Variants in EPHA5 observed in about 807,000 individuals in gnomAD.
EPHA5 encodes the protein ephrin type-A receptor 5.
In EPHA5, 60 loss-of-function variants were observed where a neutral mutation model predicts 105.0. The observed-to-expected ratio is 0.57, with a 90% CI of 0.46 to 0.71. The LOEUF is 0.71. Ranked by LOEUF, EPHA5 falls within the 30% of genes least tolerant of loss-of-function variation. The pLI, the probability that EPHA5 is intolerant of heterozygous loss-of-function variation, is 0.00. For missense variants in EPHA5, 1,218 were observed against 1,274.7 expected (o/e 0.96, Z 0.68); for synonymous variants, 513 against 449.1 (o/e 1.14, Z -1.80).
Position 65,449,272 on chromosome 4 carries a change from T to C in EPHA5, c.1403-28707A>G, listed in dbSNP as rs773878305. On this transcript the variant is annotated intron_variant, in intron 5 of 16. Coordinates refer to ENST00000613740, the MANE Select transcript of EPHA5 (RefSeq NM_001281766.3). Reference sequence around the variant, plus strand: ...CAGAATCAGGAAAATGCAAATAAAATAAAATGGGATACATTTAGCACCTTA... The same window carrying C: ...CAGAATCAGGAAAATGCAAATAAAACAAAATGGGATACATTTAGCACCTTA... 9.9e-5 allele frequency among the ~76,000 whole-genome samples: 15 copies of C among 152,150 alleles called. No individual in the cohort carries two copies. In the East Asian group the frequency reaches 2.9e-3, roughly 29 times the overall value.
At chr4:65,564,441 G>T (rs1047760050) in intron 3 of EPHA5, among the ~76,000 whole-genome samples, 1 of 151,616 alleles carries the variant, frequency 6.6e-6, no homozygotes, top group Non-Finnish European at 1.5e-5. Context: ...ATATGGTTTT[G>T]GTTTTTGTGA....
intron 2 of EPHA5, among the ~76,000 whole-genome samples, chr4:65,611,367 G>T (rs1159654487): frequency 1.3e-5 from 2 of 151,918 alleles, no homozygotes; most frequent in African/African-American, 2.4e-5. Context: ...AATTCTGTGG[G>T]GAAGCCTTAT....
intron 7 of EPHA5, among the ~76,000 whole-genome samples, chr4:65,413,600 A>G (rs1270475617): frequency 6.6e-6 from 1 of 152,158 alleles, no homozygotes; most frequent in African/African-American, 2.4e-5. Flanking sequence ...AGACACACAT[A>G]TATACTTCTG....
intron 2 of EPHA5, among the ~76,000 whole-genome samples, chr4:65,615,219 GA>G (rs1305474895): frequency 1.3e-5 from 2 of 151,522 alleles, no homozygotes; most frequent in East Asian, 3.9e-4. Context: ...AGGAGTAAGA[GA>G]AAAAAATGGC....
chr4:65,469,677 C>CA (rs1441137203), intron 5 of EPHA5, among the ~76,000 whole-genome samples: 5 of 151,870 alleles, frequency 3.3e-5, no homozygotes, highest in African/African-American at 1.2e-4. Flanking sequence ...TAATTTAACA[C>CA]AAAAAAATTA....
At chr4:65,392,758 G>T (rs533971176) in intron 8 of EPHA5, among the ~76,000 whole-genome samples, 1 of 152,016 alleles carries the variant, frequency 6.6e-6, no homozygotes, top group Non-Finnish European at 1.5e-5. Flanking sequence ...AGATATTAAA[G>T]TTTTTCATTT....
intron 3 of EPHA5, among the ~76,000 whole-genome samples, chr4:65,584,532 CT>C (rs1423017953): frequency 6.6e-6 from 1 of 151,716 alleles, no homozygotes; most frequent in Non-Finnish European, 1.5e-5. Flanking sequence ...TCAACTTTTC[CT>C]TTATGACATA....
intron 2 of EPHA5, among the ~76,000 whole-genome samples, chr4:65,619,962 A>C (rs1180234007): frequency 6.6e-6 from 1 of 150,910 alleles, no homozygotes; most frequent in East Asian, 1.9e-4. Context: ...TTTCATCCCT[A>C]TGCTCAATTT....
rs1750319128 is a variant in EPHA5 at position 65,669,901 on chromosome 4, C to T, written c.-159G>A. On this transcript the variant is annotated 5_prime_UTR_variant, in exon 1 of 17. Transcript: ENST00000613740. ...CCTCCAAATGTAGGAACCACGGATC[C>T]GGCTGAGACAGCTGAAGTTTGCTTC... is the stretch of plus-strand genomic sequence containing the variant. 2.7e-6 allele frequency: 3 copies of T among 1,117,376 alleles called. No individual in the cohort carries two copies. The highest frequency in any genetic ancestry group is 8.5e-5 in the Admixed American group (2 of 23,592). The allele number at this position is 1,117,376 out of a possible 1,614,324, so 69.2% of individuals were successfully genotyped here.
At chr4:65,468,602 ATTAT>A (rs1312497639) in intron 5 of EPHA5, among the ~76,000 whole-genome samples, 1,323 of 11,002 alleles carry the variant, frequency 0.12, 38 homozygotes, top group African/African-American at 0.17. Context: ...TAATATATAT[ATTAT>A]ATATATTATA....
At chr4:65,346,281 G>A (rs1722219721) in intron 14 of EPHA5, among the ~76,000 whole-genome samples, 1 of 151,696 alleles carries the variant, frequency 6.6e-6, no homozygotes, top group Non-Finnish European at 1.5e-5. Context: ...ATGCAGTATT[G>A]AAAATATTTA....
At chr4:65,609,576 A>G (rs1309505346) in intron 2 of EPHA5, among the ~76,000 whole-genome samples, 2 of 151,410 alleles carry the variant, frequency 1.3e-5, no homozygotes, top group Admixed American at 6.6e-5. Flanking sequence ...TTGAGCATCT[A>G]TTTTCAACAG....
intron 14 of EPHA5, among the ~76,000 whole-genome samples, chr4:65,336,338 T>C (rs947902144): frequency 2.0e-5 from 3 of 152,136 alleles, no homozygotes; most frequent in African/African-American, 7.2e-5. Context: ...AGATAGGCTT[T>C]CTTCACGTAT....
At chr4:65,637,265 C>CA (rs1016518250) in intron 2 of EPHA5, among the ~76,000 whole-genome samples, 26 of 105,188 alleles carry the variant, frequency 2.5e-4, no homozygotes, top group Admixed American at 1.1e-3. Context: ...CAGAAACAAA[C>CA]AAAAAAAAAT....
chr4:65,463,236 G>T (rs1046468676), intron 5 of EPHA5, among the ~76,000 whole-genome samples: 2 of 152,076 alleles, frequency 1.3e-5, no homozygotes, highest in South Asian at 2.1e-4. Context: ...TTGCAAAGCC[G>T]TTCAGCACAG....
intron 11 of EPHA5, among the ~76,000 whole-genome samples, chr4:65,362,742 G>A (rs961524827): frequency 6.6e-6 from 1 of 151,616 alleles, no homozygotes. Flanking sequence ...ACAAGAAGTT[G>A]TCTTAAGTTA....
At chr4:65,461,222 T>G (rs767200605) in intron 5 of EPHA5, among the ~76,000 whole-genome samples, 1 of 151,942 alleles carries the variant, frequency 6.6e-6, no homozygotes, top group Non-Finnish European at 1.5e-5. Flanking sequence ...TAGACTTGCT[T>G]GTGATGAAGA....
intron 5 of EPHA5, among the ~76,000 whole-genome samples, chr4:65,480,831 C>G (rs544226131): frequency 6.6e-5 from 10 of 151,448 alleles, no homozygotes; most frequent in African/African-American, 1.5e-4. Context: ...TTTCAACTAG[C>G]CAGAGTATAT....
chr4:65,632,775 T>A (rs565632929), intron 2 of EPHA5, among the ~76,000 whole-genome samples: 1 of 152,122 alleles, frequency 6.6e-6, no homozygotes, highest in East Asian at 1.9e-4. Context: ...ATACAATAAT[T>A]GCTATATTGA....
Sources: allele counts gnomAD v4.1 joint callset (sites outside exome capture counted in the v4.1 genomes callset), GRCh38; gene constraint gnomAD v4.1.1; transcripts MANE v1.5; gene names NCBI Gene and HGNC (gene_info 2026-07-23, HGNC 2026-07-21).